DGKB: variants seen among roughly 807,000 people sequenced by gnomAD.
DGKB encodes the protein diacylglycerol kinase beta, also known as 90 kDa diacylglycerol kinase.
Under a neutral mutation model 114.3 loss-of-function variants are expected in DGKB, and 67 were observed. The ratio of observed to expected loss-of-function variants is 0.59; its 90% CI spans 0.48 to 0.72. The LOEUF is 0.72. DGKB is among the 30% of genes least tolerant of loss of function. The probability of loss-of-function intolerance (pLI) is 0.00; values close to 1 mark genes in which losing one functional copy is unlikely to be tolerated. For synonymous variants in DGKB, 398 were observed against 323.1 expected (o/e 1.23, Z -2.49); for missense variants, 907 against 975.2 (o/e 0.93, Z 0.93).
intron 20 of DGKB, among the ~76,000 whole-genome samples, chr7:14,568,456 G>A (rs1361721415): frequency 6.6e-6 from 1 of 152,076 alleles, no homozygotes; most frequent in Non-Finnish European, 1.5e-5. Context: ...AGTGAGTTAT[G>A]AGTGGAAATG....
intron 23 of DGKB, among the ~76,000 whole-genome samples, chr7:14,299,866 T>C (rs1404418894): frequency 6.6e-6 from 1 of 151,394 alleles, no homozygotes; most frequent in Non-Finnish European, 1.5e-5. Flanking sequence ...GTATTATTTC[T>C]CTGAAAGTTA....
rs531992527 is a variant in DGKB at position 14,852,710 on chromosome 7, C to T, written c.-187-11260G>A. ...TTCCTTCCCCGCCAGGATAGAATAC[C>T]GATTAAAGAAGAATGCAGTTGAATG... On this transcript the variant is annotated intron_variant, in intron 1 of 25. Coordinates refer to ENST00000402815, the MANE Select transcript of DGKB (RefSeq NM_001350709.2). Among the ~76,000 whole-genome samples the T allele has an allele frequency of 3.9e-5, 6 of 152,040 alleles. No homozygotes were observed. In the South Asian group the frequency reaches 8.3e-4, roughly 21 times the overall value.
intron 1 of DGKB, among the ~76,000 whole-genome samples, chr7:14,892,853 CAT>C (rs72367027): frequency 1.2e-4 from 12 of 96,946 alleles, no homozygotes; most frequent in Admixed American, 4.6e-4. Context: ...CAACTAATAC[CAT>C]ATATATATAT....
intron 2 of DGKB, among the ~76,000 whole-genome samples, chr7:14,771,725 C>T (rs1390321923): frequency 6.6e-6 from 1 of 151,576 alleles, no homozygotes; most frequent in Non-Finnish European, 1.5e-5. Context: ...CCCTGCCATA[C>T]CTTGAAAATG....
chr7:14,305,633 A>G (rs547393502), intron 23 of DGKB, among the ~76,000 whole-genome samples: 4 of 152,298 alleles, frequency 2.6e-5, no homozygotes, highest in Non-Finnish European at 5.9e-5. Context: ...GCGATCCATC[A>G]AATGGCACAA....
intron 23 of DGKB, 25 bp downstream of exon 23, chr7:14,338,490 A>G: frequency 6.8e-7 from 1 of 1,476,364 alleles, no homozygotes; most frequent in Non-Finnish European, 9.1e-7. Flanking sequence ...CAAGCAATTT[A>G]ACAACTAATT....
chr7:14,370,957 AC>A (rs1391821004), intron 21 of DGKB, among the ~76,000 whole-genome samples: 1 of 152,030 alleles, frequency 6.6e-6, no homozygotes, highest in Admixed American at 6.6e-5. Context: ...TAGGACAATG[AC>A]CTCCAGCTAC....
chr7:14,728,569 T>G (rs1180442424), intron 5 of DGKB, among the ~76,000 whole-genome samples: 1 of 152,144 alleles, frequency 6.6e-6, no homozygotes, highest in Non-Finnish European at 1.5e-5. Flanking sequence ...GCCCGATACT[T>G]ACAAGGTCAT....
intron 23 of DGKB, among the ~76,000 whole-genome samples, chr7:14,305,631 T>G (rs1026741787): frequency 1.3e-5 from 2 of 152,146 alleles, no homozygotes; most frequent in African/African-American, 4.8e-5. Flanking sequence ...TTGCGATCCA[T>G]CAAATGGCAC....
At chr7:14,379,236 T>G (rs1818994926) in intron 21 of DGKB, among the ~76,000 whole-genome samples, 1 of 152,180 alleles carries the variant, frequency 6.6e-6, no homozygotes, top group Non-Finnish European at 1.5e-5. Flanking sequence ...GTGTTTGTTT[T>G]GAAACCCTCT....
intron 1 of DGKB, among the ~76,000 whole-genome samples, chr7:14,970,472 A>G (rs1398452997): frequency 6.6e-6 from 1 of 152,184 alleles, no homozygotes; most frequent in Non-Finnish European, 1.5e-5. Flanking sequence ...ATTAAAAAAA[A>G]AGATTTATAA....
intron 13 of DGKB, among the ~76,000 whole-genome samples, chr7:14,667,252 C>G (rs981734389): frequency 2.0e-5 from 3 of 151,628 alleles, no homozygotes; most frequent in African/African-American, 7.3e-5. Context: ...AGAAGGTGTT[C>G]TAAAATATGA....
chr7:14,851,652 A>G (rs935073085), intron 1 of DGKB, among the ~76,000 whole-genome samples: 1 of 152,168 alleles, frequency 6.6e-6, no homozygotes, highest in Non-Finnish European at 1.5e-5. Context: ...TTCTGAAGCT[A>G]TACCTTATAG....
At chr7:14,418,714 T>G (rs1017516074) in intron 21 of DGKB, among the ~76,000 whole-genome samples, 6 of 151,874 alleles carry the variant, frequency 4.0e-5, no homozygotes, top group African/African-American at 1.4e-4. Context: ...CTGGATATGT[T>G]GCTTCATAGC....
chr7:14,791,808 C>G (rs895235636), intron 2 of DGKB, among the ~76,000 whole-genome samples: 73 of 152,210 alleles, frequency 4.8e-4, no homozygotes, highest in African/African-American at 1.8e-3. Context: ...TTATGTATTC[C>G]TGAATTCTAC....
intron 21 of DGKB, among the ~76,000 whole-genome samples, chr7:14,402,627 C>G (rs1823316303): frequency 6.6e-6 from 1 of 151,812 alleles, no homozygotes; most frequent in Non-Finnish European, 1.5e-5. Flanking sequence ...AAGTTATTAT[C>G]TATAGCACTG....
intron 17 of DGKB, among the ~76,000 whole-genome samples, chr7:14,593,076 A>G (rs748631607): frequency 1.2e-4 from 19 of 152,082 alleles, no homozygotes; most frequent in Non-Finnish European, 2.1e-4. Context: ...TGTTACCATA[A>G]TAACCAGAAA....
At chr7:14,607,362 A>C (rs1395838669) in intron 17 of DGKB, 72 bp downstream of exon 17, 1 of 777,512 alleles carries the variant, frequency 1.3e-6, no homozygotes, top group Non-Finnish European at 2.2e-6. Context: ...TTATTTCTAC[A>C]TATGTCAGGC....
At chr7:14,359,777 A>G (rs1815332756) in intron 21 of DGKB, among the ~76,000 whole-genome samples, 1 of 152,096 alleles carries the variant, frequency 6.6e-6, no homozygotes, top group Admixed American at 6.6e-5. Context: ...ACCATCTCAC[A>G]CTGTTAGAAT....
Sources: gnomAD v4.1 joint callset for allele counts (sites outside exome capture counted in the v4.1 genomes callset) on GRCh38, gnomAD v4.1.1 for gene constraint, MANE v1.5 for transcripts, NCBI Gene and HGNC (gene_info 2026-07-23, HGNC 2026-07-21) for gene names.